CTNNBL1: variants seen among roughly 807,000 people sequenced by gnomAD.
CTNNBL1 encodes beta-catenin-like protein 1.
A neutral mutation model predicts 72.7 loss-of-function variants in CTNNBL1; 31 were observed. The ratio of observed to expected loss-of-function variants is 0.43; its 90% CI spans 0.32 to 0.58. CTNNBL1 has a LOEUF of 0.58. CTNNBL1 is among the 20% of genes least tolerant of loss of function. CTNNBL1 has a pLI of 0.08. For synonymous variants in CTNNBL1, 240 were observed against 267.3 expected, an observed-to-expected ratio of 0.90 and a Z score of 1.00; for missense variants, 534 against 725.1, an observed-to-expected ratio of 0.74 and a Z score of 3.03.
intron 11 of CTNNBL1, among the ~76,000 whole-genome samples, chr20:37,820,738 G>A (rs2072100059): frequency 6.6e-6 from 1 of 152,148 alleles, no homozygotes; most frequent in Non-Finnish European, 1.5e-5. Context: ...ATGATTGTAA[G>A]TTTCCTGAGG....
intron 1 of CTNNBL1, among the ~76,000 whole-genome samples, chr20:37,696,962 A>G (rs1396189200): frequency 6.6e-6 from 1 of 151,684 alleles, no homozygotes; most frequent in African/African-American, 2.4e-5. Flanking sequence ...CGGGTGGGTC[A>G]CCTGAGGTTG....
chr20:37,712,812 G>A (rs1049992205), intron 1 of CTNNBL1, among the ~76,000 whole-genome samples: 1 of 152,190 alleles, frequency 6.6e-6, no homozygotes, highest in Non-Finnish European at 1.5e-5. Flanking sequence ...ACACAAATTA[G>A]CAAAGATACA....
At chr20:37,710,485 G>A (rs1450888321) in intron 1 of CTNNBL1, among the ~76,000 whole-genome samples, 1 of 152,146 alleles carries the variant, frequency 6.6e-6, no homozygotes, top group African/African-American at 2.4e-5. Context: ...GCTAGATTCC[G>A]AAGTCTGTGA....
chr20:37,777,474 G>C, intron 8 of CTNNBL1, 57 bp downstream of exon 8: 1 of 1,549,780 alleles, frequency 6.5e-7, no homozygotes, highest in Non-Finnish European at 8.9e-7. Flanking sequence ...GCTTGTTTCA[G>C]ATCATGACAG....
At chr20:37,815,076 A>AGTGTGTGT (rs11474436) in intron 11 of CTNNBL1, among the ~76,000 whole-genome samples, 43,445 of 147,156 alleles carry the variant, frequency 0.3, 6,599 homozygotes, top group Admixed American at 0.42. Flanking sequence ...GGACTCTGTG[A>AGTGTGTGT]GTGTGTGTGT....
chr20:37,868,412 A>T (rs1162404870), intron 15 of CTNNBL1, among the ~76,000 whole-genome samples: 1 of 151,858 alleles, frequency 6.6e-6, no homozygotes, highest in African/African-American at 2.4e-5. Flanking sequence ...GTAAGTAGGG[A>T]TGGTGTTCTT....
chr20:37,808,143 A>G (rs2071976871), intron 11 of CTNNBL1, among the ~76,000 whole-genome samples: 1 of 152,124 alleles, frequency 6.6e-6, no homozygotes, highest in Admixed American at 6.5e-5. Context: ...ATATACACGC[A>G]TTTTTACCTT....
intron 1 of CTNNBL1, among the ~76,000 whole-genome samples, chr20:37,696,417 GA>G (rs2072791909): frequency 7.0e-6 from 1 of 143,816 alleles, no homozygotes; most frequent in Non-Finnish European, 1.5e-5. Context: ...GATTTAGTAT[GA>G]AAATAATGTA....
At chr20:37,725,134 TG>T (rs1428048256) in intron 1 of CTNNBL1, among the ~76,000 whole-genome samples, 1 of 152,172 alleles carries the variant, frequency 6.6e-6, no homozygotes, top group East Asian at 1.9e-4. Flanking sequence ...CTCGAACTCC[TG>T]GGCTCAAGTG....
rs367782973 is a variant in CTNNBL1, at chr20:37,765,558, C to T, written c.658+268C>T. ...CCAGTGGCTCTGGTTAGCGGGCCTT[C>T]GCCTCCAAAAGTTAGGATGAAACCT... On this transcript the variant is annotated intron_variant, in intron 6 of 15. Coordinates refer to ENST00000361383, the MANE Select transcript of CTNNBL1 (RefSeq NM_030877.5). Among the ~76,000 whole-genome samples the T allele has an allele frequency of 9.9e-5, 15 of 152,282 alleles. No individual in the cohort carries two copies. In the East Asian group the frequency reaches 1.9e-3, roughly 20 times the overall value.
chr20:37,869,242 G>A (rs6067961), intron 15 of CTNNBL1, among the ~76,000 whole-genome samples: 57,132 of 152,104 alleles, frequency 0.38, 11,047 homozygotes, highest in Admixed American at 0.49. Context: ...AAATAAAGAG[G>A]TAGCAGGAGC....
At chr20:37,780,052 T>G (rs1392192786) in intron 10 of CTNNBL1, among the ~76,000 whole-genome samples, 1 of 150,722 alleles carries the variant, frequency 6.6e-6, no homozygotes, top group Non-Finnish European at 1.5e-5. Context: ...GACTGTGGTA[T>G]AGGGTCAAGG....
Position 37,711,045 on chromosome 20 carries a change from A to G in CTNNBL1, c.30+16893A>G, listed in dbSNP as rs544553484. Among the ~76,000 whole-genome samples the G allele has an allele frequency of 2.6e-5, 4 of 152,302 alleles. No individual in the cohort carries two copies. In the East Asian group the frequency reaches 5.8e-4, roughly 22 times the overall value. On this transcript the variant is annotated intron_variant, in intron 1 of 15. Transcript: ENST00000361383. ...GCATGGTTGGGATGGGAGCTGCCATATACAGTGTGCCTCATATGGTGTGCC... is the reference window on the plus strand; with the variant it reads ...GCATGGTTGGGATGGGAGCTGCCATGTACAGTGTGCCTCATATGGTGTGCC...
At chr20:37,840,639 G>A (rs2072296060) in intron 12 of CTNNBL1, among the ~76,000 whole-genome samples, 1 of 152,204 alleles carries the variant, frequency 6.6e-6, no homozygotes, top group African/African-American at 2.4e-5. Context: ...AAGGGTCAGT[G>A]GGAGGTGAAT....
chr20:37,710,974 C>T (rs994528343), intron 1 of CTNNBL1, among the ~76,000 whole-genome samples: 2 of 152,152 alleles, frequency 1.3e-5, no homozygotes, highest in African/African-American at 4.8e-5. Flanking sequence ...TTGATATGTA[C>T]ATGTGCTCTG....
intron 15 of CTNNBL1, among the ~76,000 whole-genome samples, chr20:37,867,317 T>C (rs1420870316): frequency 2.0e-5 from 3 of 152,176 alleles, no homozygotes; most frequent in African/African-American, 7.2e-5. Flanking sequence ...CATGTAAGGC[T>C]TAAGGTTCAT....
Position 37,842,438 on chromosome 20 carries a change from CT to C in CTNNBL1, c.1392+23del. The C allele has an allele frequency of 6.3e-7, 1 of 1,583,602 alleles. No individual in the cohort carries two copies. The highest frequency in any genetic ancestry group is 8.7e-7 in the Non-Finnish European group (1 of 1,152,226). On this transcript the variant is annotated intron_variant, in intron 13 of 15. Coordinates refer to ENST00000361383, the MANE Select transcript of CTNNBL1 (RefSeq NM_030877.5). ...AAAACACGTATGTATCCCTGCCTCA[CT>C]TTTGCCAGCTATTGACTTGCCCTCC...
chr20:37,742,595 A>G (rs2073226582), intron 3 of CTNNBL1, among the ~76,000 whole-genome samples: 1 of 152,152 alleles, frequency 6.6e-6, no homozygotes, highest in African/African-American at 2.4e-5. Flanking sequence ...TAGATTTGGC[A>G]CATCATTATT....
intron 3 of CTNNBL1, among the ~76,000 whole-genome samples, chr20:37,746,137 C>T (rs1456958403): frequency 6.6e-6 from 1 of 152,230 alleles, no homozygotes; most frequent in East Asian, 1.9e-4. Flanking sequence ...AGTGAATTGC[C>T]ACACCAAGGG....
Sources: gnomAD v4.1 joint callset for allele counts (sites outside exome capture counted in the v4.1 genomes callset) on GRCh38, gnomAD v4.1.1 for gene constraint, MANE v1.5 for transcripts, NCBI Gene and HGNC (gene_info 2026-07-23, HGNC 2026-07-21) for gene names.